TRANK1: variants seen among roughly 807,000 people sequenced by gnomAD.
TRANK1 encodes the protein TPR and ankyrin repeat-containing protein 1.
A neutral mutation model predicts 266.0 loss-of-function variants in TRANK1; 198 were observed. The ratio of observed to expected loss-of-function variants is 0.74; its 90% CI spans 0.66 to 0.84. The LOEUF is 0.84. TRANK1 is among the 40% of genes least tolerant of loss of function. TRANK1 has a pLI of 0.00. For missense variants in TRANK1, 3,326 were observed against 3,634.6 expected (o/e 0.92, Z 2.18); for synonymous variants, 1,396 against 1,384.1 (o/e 1.01, Z -0.19).
intron 16 of TRANK1, 106 bp from the exon 17 acceptor site, chr3:36,846,510 T>C (rs1009445979): frequency 1.7e-6 from 2 of 1,156,548 alleles, no homozygotes; most frequent in Admixed American, 5.4e-5. Flanking sequence ...AAAAACTAAA[T>C]TTTAGAGAAG....
chr3:36,880,095 AAT>A (rs1262489946), intron 8 of TRANK1: 3 of 141,786 alleles, frequency 2.1e-5, no homozygotes, highest in Admixed American at 7.6e-5. Context: ...AACATATATA[AAT>A]ATATATAAAC....
intron 10 of TRANK1, among the ~76,000 whole-genome samples, chr3:36,863,643 C>T (rs528391253): frequency 1.7e-4 from 26 of 152,284 alleles, no homozygotes; most frequent in Non-Finnish European, 2.2e-4. Context: ...TAGTTCCCTA[C>T]CCAAGGCAAG....
chr3:36,936,191 A>G (rs149496555), intron 1 of TRANK1, among the ~76,000 whole-genome samples: 28 of 152,300 alleles, frequency 1.8e-4, no homozygotes, highest in South Asian at 4.1e-4. Flanking sequence ...TGCACGCACA[A>G]AAAAAGAAAA....
rs563935527 is a variant in TRANK1 at position 36,880,915 on chromosome 3, G to A, written c.908-6619C>T. 1.7e-3 allele frequency among the ~76,000 whole-genome samples: 160 copies of A among 92,966 alleles called. 1 individual carries two copies. Among genetic ancestry groups the A allele is most frequent in the Admixed American group, 3.3e-3 (20 of 6,148 alleles). 61.0% of individuals were successfully genotyped at this position (92,966 alleles called of 152,430 possible). A position where few individuals can be genotyped will look rare whatever the true frequency, so the allele number is the denominator to read the frequency against. ...CTCCCCCCACCCCACAACAGTCCCC[G>A]GTGTGTGATGTTACCCTAATTGGAG... On this transcript the variant is annotated intron_variant, in intron 8 of 23. Transcript: ENST00000645898.
At position 36,832,469 on chromosome 3, in the gene TRANK1, T is replaced by C. The variant is rs972169035; in HGVS notation, c.7114A>G (p.Arg2372Gly). 2 of 1,613,858 alleles carry C rather than the reference T, an allele frequency of 1.2e-6. No homozygotes were observed. Among genetic ancestry groups the C allele is most frequent in the African/African-American group, 2.7e-5 (2 of 74,906 alleles). ...LKALESEKDE[R>G]GRGRGSRIKG... The stretch of plus-strand genomic sequence containing the variant: ...ATCCTGCTGCCTCTCCCCCTGCCCC[T>C]TTCATCCTTTTCAGACTCTAGAGCT... Residue 2372 changes from arginine (R) to glycine (G), a missense_variant, in exon 22 of 24, where the codon AGG becomes GGG. Transcript: ENST00000645898.
intron 3 of TRANK1, among the ~76,000 whole-genome samples, chr3:36,900,532 G>A (rs556374492): frequency 6.6e-6 from 1 of 151,940 alleles, no homozygotes; most frequent in Non-Finnish European, 1.5e-5. Flanking sequence ...CCTACCCCAC[G>A]TTGATCACCT....
intron 5 of TRANK1, among the ~76,000 whole-genome samples, chr3:36,893,275 T>G (rs2079735804): frequency 7.2e-6 from 1 of 138,296 alleles, no homozygotes; most frequent in African/African-American, 2.8e-5. Context: ...ATAGTTGCAA[T>G]GAGATTACAA....
chr3:36,829,477 C>T, intron 23 of TRANK1, 87 bp downstream of exon 23: 1 of 1,334,434 alleles, frequency 7.5e-7, no homozygotes, highest in South Asian at 1.2e-5. Flanking sequence ...ACTGGGCTGC[C>T]CCACTTCAGA....
At chr3:36,896,523 A>G (rs1156703464) in intron 4 of TRANK1, among the ~76,000 whole-genome samples, 1 of 152,340 alleles carries the variant, frequency 6.6e-6, no homozygotes, top group East Asian at 1.9e-4. Context: ...ACCTTCCAAA[A>G]AGGAGTACTT....
Position 36,831,002 on chromosome 3 carries a change from G to A in TRANK1, c.8581C>T (p.Gln2861Ter), listed in dbSNP as rs1202586864. 6.2e-7 allele frequency: 1 copy of A among 1,614,020 alleles called. No individual in the cohort carries two copies. Among genetic ancestry groups the A allele is most frequent in the Non-Finnish European group, 8.5e-7 (1 of 1,179,886 alleles). ...EGKLVVQDIE[Q>*]SVWIHSHVGS... Reference sequence around the variant, plus strand: ...ACGTGACTGTGGATCCATACACTTTGCTCGATGTCCTGCACCACCAGCTTG... The same window carrying A: ...ACGTGACTGTGGATCCATACACTTTACTCGATGTCCTGCACCACCAGCTTG... Residue 2861 changes from glutamine to a stop codon, truncating the protein, a stop_gained, in exon 22 of 24, where the codon CAA becomes TAA. Transcript: ENST00000645898. LOFTEE classifies it high-confidence loss of function. This position sits in a 1 kb window ranked among gnomAD's most constrained non-coding sequence, Gnocchi z 5.0.
At chr3:36,906,794 C>T (rs536854689) in intron 2 of TRANK1, among the ~76,000 whole-genome samples, 7 of 152,306 alleles carry the variant, frequency 4.6e-5, no homozygotes, top group Admixed American at 2.6e-4. Context: ...CCTGCTAACA[C>T]CTTGATTTTA....
At position 36,851,157 on chromosome 3, in the gene TRANK1, G is replaced by A. The variant is rs2078980153; in HGVS notation, c.4887+562C>T. The A allele has an allele frequency of 1.6e-5, 16 of 985,702 alleles. No homozygotes were observed. The South Asian group carries it at 5.2e-4, about 32-fold the overall frequency. 61.1% of individuals were successfully genotyped at this position (985,702 alleles called of 1,614,324 possible). A position where few individuals can be genotyped will look rare whatever the true frequency, so the allele number is the denominator to read the frequency against. On this transcript the variant is annotated intron_variant, in intron 15 of 23. Coordinates refer to ENST00000645898, the MANE Select transcript of TRANK1 (RefSeq NM_001329998.2). ...CAGAGGTCACTGGGGGTCAATGTGG[G>A]GACTCTTTGGCTGCCATCATCTGCA...
chr3:36,857,790 G>C lies in TRANK1; in HGVS notation c.1932C>G (p.Ala644=), dbSNP rs766301841. The C allele has an allele frequency of 6.2e-7, 1 of 1,614,016 alleles. No homozygotes were observed. Among genetic ancestry groups the C allele is most frequent in the Non-Finnish European group, 8.5e-7 (1 of 1,179,902 alleles). The part of the protein sequence containing the change: ...RIKKNDSLLL[A]WNKALMENRR... ...TGTTCTCCATCAGAGCTTTGTTCCA[G>C]GCCAAGAGCAGAGAGTCGTTCTTCT... The change falls in exon 13 of 24, where the codon GCC becomes GCG. Residue 644 remains alanine, a synonymous_variant. Transcript: ENST00000645898. The surrounding 1 kb of genome is among the most constrained non-coding windows in gnomAD (Gnocchi z 4.3).
intron 8 of TRANK1, among the ~76,000 whole-genome samples, chr3:36,879,353 T>C (rs1241376743): frequency 1.3e-5 from 2 of 151,306 alleles, no homozygotes; most frequent in Non-Finnish European, 2.9e-5. Flanking sequence ...TCTTTACTGA[T>C]AAAGGAAGCA....
chr3:36,875,664 C>T (rs2079377732), intron 8 of TRANK1, among the ~76,000 whole-genome samples: 1 of 152,224 alleles, frequency 6.6e-6, no homozygotes, highest in South Asian at 2.1e-4. Context: ...GGTAAAAACT[C>T]CTAACCTCCA....
chr3:36,907,037 C>T (rs1330670791), intron 2 of TRANK1, among the ~76,000 whole-genome samples: 3 of 152,148 alleles, frequency 2.0e-5, no homozygotes, highest in Non-Finnish European at 2.9e-5. Flanking sequence ...ATGTAAGAAG[C>T]CAGCTGTCTT....
intron 1 of TRANK1, among the ~76,000 whole-genome samples, chr3:36,909,399 A>G (rs1005488181): frequency 1.4e-4 from 22 of 152,218 alleles, no homozygotes; most frequent in African/African-American, 4.1e-4. Flanking sequence ...GAACAAAGGC[A>G]GGAGAGGAGA....
chr3:36,881,891 A>G (rs181263695), intron 8 of TRANK1, among the ~76,000 whole-genome samples: 273 of 152,282 alleles, frequency 1.8e-3, no homozygotes, highest in African/African-American at 6.3e-3. Context: ...GCATAACGCA[A>G]TCTTCCTCCG....
chr3:36,880,575 G>A (rs67702069), intron 8 of TRANK1: 46,680 of 194,866 alleles, frequency 0.24, 6,309 homozygotes, highest in East Asian at 0.56. Context: ...TAGGTCTGTA[G>A]CATCTGTAAA....
Sources: allele counts gnomAD v4.1 joint callset (sites outside exome capture counted in the v4.1 genomes callset), GRCh38; gene constraint gnomAD v4.1.1; non-coding constraint Gnocchi (gnomAD v3.1); transcripts MANE v1.5; gene names NCBI Gene and HGNC (gene_info 2026-07-23, HGNC 2026-07-21).